CACNA2D1: variants seen among roughly 807,000 people sequenced by gnomAD.
The protein encoded by CACNA2D1 is calcium voltage-gated channel auxiliary subunit alpha2delta 1.
A neutral mutation model predicts 171.5 loss-of-function variants in CACNA2D1; 53 were observed. The ratio of observed to expected loss-of-function variants is 0.31; its 90% CI spans 0.25 to 0.39. CACNA2D1 has a LOEUF of 0.39. CACNA2D1 is among the 10% of genes least tolerant of loss of function. The pLI is 1.00. For missense variants in CACNA2D1, 903 were observed against 1,299.8 expected, an observed-to-expected ratio of 0.69 and a Z score of 4.69; for synonymous variants, 442 against 443.1, an observed-to-expected ratio of 1.00 and a Z score of 0.03.
chr7:82,383,901 T>A (rs1050569452), intron 1 of CACNA2D1, among the ~76,000 whole-genome samples: 1 of 152,164 alleles, frequency 6.6e-6, no homozygotes, highest in African/African-American at 2.4e-5. Context: ...CACTGACACA[T>A]GTAGATTATC....
At chr7:82,177,229 T>C (rs1796638313) in intron 3 of CACNA2D1, among the ~76,000 whole-genome samples, 1 of 151,980 alleles carries the variant, frequency 6.6e-6, no homozygotes, top group Non-Finnish European at 1.5e-5. Context: ...AAAAAAAGTA[T>C]TACAAATCAC....
At chr7:82,140,455 GA>G (rs1423003432) in intron 4 of CACNA2D1, among the ~76,000 whole-genome samples, 1 of 152,074 alleles carries the variant, frequency 6.6e-6, no homozygotes, top group Admixed American at 6.5e-5. Context: ...TCATGAAACA[GA>G]AAAGCTCACT....
intron 2 of CACNA2D1, among the ~76,000 whole-genome samples, chr7:82,339,954 A>C (rs2129444831): frequency 6.6e-6 from 1 of 152,356 alleles, no homozygotes. Flanking sequence ...AAGGTCCTTA[A>C]AAATGGAAGA....
intron 4 of CACNA2D1, among the ~76,000 whole-genome samples, chr7:82,166,628 C>T (rs1317887928): frequency 6.6e-6 from 1 of 151,998 alleles, no homozygotes; most frequent in Non-Finnish European, 1.5e-5. Context: ...ATTAGCTTTC[C>T]AAGCTCTTTT....
chr7:82,053,991 A>C (rs562126169), intron 10 of CACNA2D1, among the ~76,000 whole-genome samples: 1 of 152,352 alleles, frequency 6.6e-6, no homozygotes, highest in East Asian at 1.9e-4. Flanking sequence ...AACCACAAGA[A>C]GATATCCTGC....
At chr7:82,221,984 T>C (rs1801826252) in intron 3 of CACNA2D1, among the ~76,000 whole-genome samples, 1 of 151,914 alleles carries the variant, frequency 6.6e-6, no homozygotes, top group African/African-American at 2.4e-5. Context: ...TTTTAATCTA[T>C]ATAATACCAA....
chr7:82,182,618 A>T (rs1378051864), intron 3 of CACNA2D1, among the ~76,000 whole-genome samples: 1 of 152,094 alleles, frequency 6.6e-6, no homozygotes, highest in African/African-American at 2.4e-5. Context: ...CAACTCTTCA[A>T]ATAATTTAAT....
At chr7:81,950,929 G>A (rs1001623479) in intron 38 of CACNA2D1, among the ~76,000 whole-genome samples, 5 of 151,978 alleles carry the variant, frequency 3.3e-5, no homozygotes, top group Non-Finnish European at 7.4e-5. Context: ...TTGGGGACTG[G>A]TAAAATAAAT....
intron 7 of CACNA2D1, among the ~76,000 whole-genome samples, chr7:82,084,514 C>T (rs574974065): frequency 6.6e-6 from 1 of 152,254 alleles, no homozygotes; most frequent in African/African-American, 2.4e-5. Flanking sequence ...CAGGTATATA[C>T]CTAAGGATAC....
chr7:82,349,343 C>T (rs1054096932), intron 2 of CACNA2D1, among the ~76,000 whole-genome samples: 5 of 152,220 alleles, frequency 3.3e-5, no homozygotes, highest in South Asian at 2.1e-4. Context: ...GTGAGACCTA[C>T]GTATCAACTG....
rs145033947 is a variant in CACNA2D1, at chr7:82,061,453, A to G, written c.780-926T>C. 9.2e-5 allele frequency among the ~76,000 whole-genome samples: 14 copies of G among 152,268 alleles called. No homozygotes were observed. The East Asian group carries it at 2.7e-3, about 29-fold the overall frequency. On this transcript the variant is annotated intron_variant, in intron 9 of 38. Transcript: ENST00000356860. Reference sequence around the variant, plus strand: ...GTCTCCTTCACATGCTAACAGGTGAAAGTTCTAGAAACACATCCTGACCTA... The same window carrying G: ...GTCTCCTTCACATGCTAACAGGTGAGAGTTCTAGAAACACATCCTGACCTA...
intron 10 of CACNA2D1, among the ~76,000 whole-genome samples, chr7:82,053,337 C>T (rs925026690): frequency 6.6e-6 from 1 of 151,464 alleles, no homozygotes; most frequent in Non-Finnish European, 1.5e-5. Context: ...ATAATGAACA[C>T]GTGTTTACTT....
intron 6 of CACNA2D1, among the ~76,000 whole-genome samples, chr7:82,090,720 G>A (rs17155823): frequency 0.022 from 3,337 of 152,134 alleles, 123 homozygotes; most frequent in African/African-American, 0.076. Context: ...AAACAAGCAA[G>A]CAAGGGTTTC....
intron 7 of CACNA2D1, among the ~76,000 whole-genome samples, chr7:82,077,268 T>C (rs1235390685): frequency 6.6e-6 from 1 of 152,192 alleles, no homozygotes; most frequent in African/African-American, 2.4e-5. Context: ...GCCATTTAGC[T>C]GGATATATGG....
intron 21 of CACNA2D1, 25 bp downstream of exon 21, chr7:81,991,160 A>T (rs781007181): frequency 8.9e-7 from 1 of 1,126,242 alleles, no homozygotes; most frequent in Non-Finnish European, 1.4e-6. Context: ...GGAATACACA[A>T]TACACATAAA....
At chr7:81,957,991 G>T (rs1043655666) in intron 38 of CACNA2D1, among the ~76,000 whole-genome samples, 3 of 151,920 alleles carry the variant, frequency 2.0e-5, no homozygotes, top group African/African-American at 7.3e-5. Context: ...CATGACCCTT[G>T]GCCCTTCATA....
intron 3 of CACNA2D1, among the ~76,000 whole-genome samples, chr7:82,209,855 T>C (rs1441237001): frequency 2.0e-5 from 3 of 152,188 alleles, no homozygotes; most frequent in East Asian, 3.9e-4. Flanking sequence ...AACTGAAGTA[T>C]ATTTTTGGTA....
At chr7:82,263,317 G>A (rs1807382664) in intron 3 of CACNA2D1, among the ~76,000 whole-genome samples, 1 of 151,782 alleles carries the variant, frequency 6.6e-6, no homozygotes, top group African/African-American at 2.4e-5. Context: ...CACCATAATG[G>A]CCCGGCTGGT....
At chr7:82,180,316 T>C (rs529051375) in intron 3 of CACNA2D1, among the ~76,000 whole-genome samples, 1 of 152,242 alleles carries the variant, frequency 6.6e-6, no homozygotes, top group Non-Finnish European at 1.5e-5. Context: ...ACACATACCA[T>C]TGCATACACC....
Sources: gnomAD v4.1 joint callset for allele counts (sites outside exome capture counted in the v4.1 genomes callset) on GRCh38, gnomAD v4.1.1 for gene constraint, MANE v1.5 for transcripts, NCBI Gene and HGNC (gene_info 2026-07-23, HGNC 2026-07-21) for gene names.